Variants in NEK10 observed in about 807,000 individuals in gnomAD.
NEK10 encodes the protein NIMA related kinase 10, also known as serine/threonine-protein kinase Nek10.
NEK10 carries 122 observed loss-of-function variants against 159.8 expected under a neutral mutation model. The observed-to-expected ratio is 0.76, with a 90% CI of 0.66 to 0.89. The LOEUF is 0.89. NEK10 is among the 40% of genes least tolerant of loss of function. The probability of loss-of-function intolerance (pLI) is 0.00; values close to 1 mark genes in which losing one functional copy is unlikely to be tolerated. For synonymous variants in NEK10, 466 were observed against 457.1 expected, an observed-to-expected ratio of 1.02 and a Z score of -0.25; for missense variants, 1,342 against 1,323.1, an observed-to-expected ratio of 1.01 and a Z score of -0.22.
intron 23 of NEK10, among the ~76,000 whole-genome samples, chr3:27,226,776 A>G (rs1196153190): frequency 6.6e-6 from 1 of 152,228 alleles, no homozygotes; most frequent in African/African-American, 2.4e-5. Flanking sequence ...GGAAATAAAA[A>G]TACTTGAAGG....
rs907743972 is a variant in NEK10 at position 27,109,894 on chromosome 3, G to C, written c.*1378C>G. ...AAAGATCCATTGACAATCTTCAAAAGCATTAGTGCATGATTAAAGGGAATT... is the reference window on the plus strand; with the variant it reads ...AAAGATCCATTGACAATCTTCAAAACCATTAGTGCATGATTAAAGGGAATT... On this transcript the variant is annotated 3_prime_UTR_variant, in exon 36 of 36. Coordinates refer to ENST00000691995, the MANE Select transcript of NEK10 (RefSeq NM_001394966.1). 2.6e-5 allele frequency among the ~76,000 whole-genome samples: 4 copies of C among 152,108 alleles called. No homozygotes were observed. Among genetic ancestry groups the C allele is most frequent in the Admixed American group, 6.6e-5 (1 of 15,254 alleles).
At chr3:27,360,614 T>C (rs1334662116) in intron 1 of NEK10, among the ~76,000 whole-genome samples, 1 of 152,198 alleles carries the variant, frequency 6.6e-6, no homozygotes, top group East Asian at 1.9e-4. Context: ...AACTTGTTGA[T>C]ATTGGCCCTT....
At chr3:27,168,804 A>C (rs1003075311) in intron 29 of NEK10, among the ~76,000 whole-genome samples, 3 of 152,230 alleles carry the variant, frequency 2.0e-5, no homozygotes, top group South Asian at 2.1e-4. Flanking sequence ...CAAAACATCA[A>C]CTTCAATGTA....
chr3:27,270,498 T>C (rs375706939), intron 22 of NEK10, among the ~76,000 whole-genome samples: 5 of 152,084 alleles, frequency 3.3e-5, no homozygotes, highest in Non-Finnish European at 7.4e-5. Flanking sequence ...TCAGAAATGA[T>C]AAGAAAATAA....
rs151116557 is a variant in NEK10, at chr3:27,352,467, G to C, written c.130C>G (p.Gln44Glu). ...CLLNVQSSKQ[Q>E]LPAINFDSAQ... ...TGAACATTCTTTGAAAACGCTACCT[G>C]TTGTTTGCTTGATTGGACGTTCAAA... The change falls in exon 3 of 36, where the codon CAG (glutamine) becomes GAG (glutamate). Residue 44 changes from glutamine to glutamate, a missense_variant and splice_region_variant. Gln to Glu is a conservative substitution (Grantham distance 29). Coordinates refer to ENST00000691995, the MANE Select transcript of NEK10 (RefSeq NM_001394966.1). 51 of 1,606,688 alleles carry C rather than the reference G, an allele frequency of 3.2e-5. No homozygotes were observed. In the African/African-American group the frequency reaches 6.4e-4, roughly 20 times the overall value.
chr3:27,155,361 G>T (rs529791867), intron 30 of NEK10, among the ~76,000 whole-genome samples: 3 of 152,034 alleles, frequency 2.0e-5, no homozygotes, highest in East Asian at 3.9e-4. Flanking sequence ...AATCAGCTGG[G>T]TGTGGTAGCA....
chr3:27,138,447 A>C (rs1467420867), intron 31 of NEK10, among the ~76,000 whole-genome samples: 1 of 152,112 alleles, frequency 6.6e-6, no homozygotes, highest in African/African-American at 2.4e-5. Context: ...GGGAGTGCCC[A>C]ATTCTATATT....
chr3:27,174,976 T>C (rs554272924), intron 26 of NEK10, 143 bp from the exon 27 acceptor site: 41 of 622,090 alleles, frequency 6.6e-5, no homozygotes, highest in Non-Finnish European at 9.2e-5. Flanking sequence ...GTTCCACCTA[T>C]ACACCTGTTA....
At chr3:27,123,937 G>A (rs995631793) in intron 32 of NEK10, among the ~76,000 whole-genome samples, 5 of 152,014 alleles carry the variant, frequency 3.3e-5, no homozygotes, top group African/African-American at 1.2e-4. Flanking sequence ...AGTGATACAA[G>A]ATGAGGGTGA....
intron 33 of NEK10, among the ~76,000 whole-genome samples, chr3:27,116,459 T>C (rs1940454331): frequency 2.0e-5 from 3 of 152,094 alleles, no homozygotes; most frequent in Admixed American, 2.0e-4. Context: ...AATTACCTGA[T>C]GGGTGTTTTC....
chr3:27,343,120 G>A (rs2047315099), intron 5 of NEK10, among the ~76,000 whole-genome samples: 1 of 152,086 alleles, frequency 6.6e-6, no homozygotes, highest in Non-Finnish European at 1.5e-5. Flanking sequence ...ATAATCCTCT[G>A]CTTAAATTAA....
chr3:27,223,131 A>C (rs2149164505), intron 23 of NEK10, among the ~76,000 whole-genome samples: 1 of 152,312 alleles, frequency 6.6e-6, no homozygotes. Flanking sequence ...GAAGCTCAAC[A>C]TGTAGAAGAA....
intron 23 of NEK10, among the ~76,000 whole-genome samples, chr3:27,239,997 T>C (rs905510001): frequency 2.0e-5 from 3 of 152,218 alleles, no homozygotes; most frequent in Admixed American, 6.6e-5. Context: ...ATGAAATAGA[T>C]GAGCACATGT....
At chr3:27,365,941 T>A (rs1297139627) in intron 1 of NEK10, among the ~76,000 whole-genome samples, 1 of 151,848 alleles carries the variant, frequency 6.6e-6, no homozygotes. Flanking sequence ...TATACATGAG[T>A]TTGTTTAAAG....
intron 26 of NEK10, among the ~76,000 whole-genome samples, chr3:27,189,004 C>A (rs150934092): frequency 0.018 from 2,710 of 152,182 alleles, 51 homozygotes; most frequent in South Asian, 0.029. Context: ...TGCCACAATA[C>A]CCTCTACATG....
At chr3:27,222,098 C>T (rs146727761) in intron 23 of NEK10, among the ~76,000 whole-genome samples, 134 of 152,264 alleles carry the variant, frequency 8.8e-4, no homozygotes, top group African/African-American at 3.0e-3. Context: ...CCTGGCCAGG[C>T]GCAGCGGCAA....
chr3:27,114,114 C>T (rs1401550899), intron 35 of NEK10, among the ~76,000 whole-genome samples: 2 of 152,178 alleles, frequency 1.3e-5, no homozygotes, highest in South Asian at 2.1e-4. Flanking sequence ...GGAAGAGCTA[C>T]GAGGCTGGCC....
At chr3:27,225,651 T>C (rs540716647) in intron 23 of NEK10, among the ~76,000 whole-genome samples, 10 of 152,272 alleles carry the variant, frequency 6.6e-5, no homozygotes, top group Middle Eastern at 3.4e-3. Context: ...TAGCCAACAT[T>C]GTATTGGGTC....
chr3:27,238,746 C>CGTGT (rs59740177), intron 23 of NEK10, among the ~76,000 whole-genome samples: 25,496 of 137,926 alleles, frequency 0.18, 2,890 homozygotes, highest in East Asian at 0.41. Context: ...CCTCCCCTTT[C>CGTGT]GTGTGTGTGT....
Sources: gnomAD v4.1 joint callset for allele counts (sites outside exome capture counted in the v4.1 genomes callset) on GRCh38, gnomAD v4.1.1 for gene constraint, MANE v1.5 for transcripts, NCBI Gene and HGNC (gene_info 2026-07-23, HGNC 2026-07-21) for gene names.